DRC11: variants seen among roughly 807,000 people sequenced by gnomAD.
DRC11 encodes the protein dynein regulatory complex subunit 11.
chr2:236,310,257 G>T, the DRC11 span, among the ~76,000 whole-genome samples: 1 of 152,140 alleles, frequency 6.6e-6, no homozygotes, highest in African/African-American at 2.4e-5. This position sits in a 1 kb window ranked among gnomAD's most constrained non-coding sequence, Gnocchi z 5.5. Context: ...CTTCACCAAG[G>T]CCCAAGGTAT....
the DRC11 span, among the ~76,000 whole-genome samples, chr2:236,384,591 T>A: frequency 6.6e-6 from 1 of 152,176 alleles, no homozygotes; most frequent in Non-Finnish European, 1.5e-5. Flanking sequence ...TTGCGAAAAT[T>A]TTCTCCCATT....
At chr2:236,416,724 TATATATATATATATATA>T in the DRC11 span, among the ~76,000 whole-genome samples, 30 of 20,496 alleles carry the variant, frequency 1.5e-3, no homozygotes, top group Admixed American at 5.8e-3. Context: ...TATATATTTA[TATATATATATATATATA>T]TATATATATA....
the DRC11 span, among the ~76,000 whole-genome samples, chr2:236,398,286 G>A: frequency 1.3e-5 from 2 of 152,172 alleles, no homozygotes; most frequent in Non-Finnish European, 2.9e-5. This position sits in a 1 kb window ranked among gnomAD's most constrained non-coding sequence, Gnocchi z 6.2. Flanking sequence ...ATGCAGTGGG[G>A]TGCCCTTGCC....
chr2:236,370,701 G>A, the DRC11 span, among the ~76,000 whole-genome samples: 1 of 151,952 alleles, frequency 6.6e-6, no homozygotes, highest in East Asian at 1.9e-4. This position sits in a 1 kb window ranked among gnomAD's most constrained non-coding sequence, Gnocchi z 5.5. Context: ...TAAGGAACTT[G>A]CTATTTCTTG....
the DRC11 span, among the ~76,000 whole-genome samples, chr2:236,478,724 T>G: frequency 2.6e-5 from 4 of 152,156 alleles, no homozygotes; most frequent in Non-Finnish European, 5.9e-5. This position sits in a 1 kb window ranked among gnomAD's most constrained non-coding sequence, Gnocchi z 5.9. Context: ...TGATGTTGGT[T>G]TCAGATATAT....
chr2:236,495,481 C>A, the DRC11 span, among the ~76,000 whole-genome samples: 1 of 152,204 alleles, frequency 6.6e-6, no homozygotes, highest in East Asian at 1.9e-4. This position sits in a 1 kb window ranked among gnomAD's most constrained non-coding sequence, Gnocchi z 5.6. Context: ...TGAGGTTTCT[C>A]ATTCCCTATG....
At chr2:236,348,277 G>C in the DRC11 span, among the ~76,000 whole-genome samples, 2 of 152,208 alleles carry the variant, frequency 1.3e-5, no homozygotes, top group East Asian at 3.9e-4. This position sits in a 1 kb window ranked among gnomAD's most constrained non-coding sequence, Gnocchi z 7.4. Flanking sequence ...GGGAAATCCA[G>C]GAGAAAATGT....
the DRC11 span, among the ~76,000 whole-genome samples, chr2:236,360,275 G>T: frequency 1.3e-5 from 2 of 152,152 alleles, no homozygotes; most frequent in African/African-American, 2.4e-5. The surrounding 1 kb of genome is among the most constrained non-coding windows in gnomAD (Gnocchi z 5.8). Context: ...CTGCAACCAG[G>T]AAAATTACTA....
chr2:236,365,609 G>A, the DRC11 span, among the ~76,000 whole-genome samples: 2 of 152,216 alleles, frequency 1.3e-5, no homozygotes, highest in Non-Finnish European at 2.9e-5. This position sits in a 1 kb window ranked among gnomAD's most constrained non-coding sequence, Gnocchi z 7.4. Context: ...GGGTTGGGAG[G>A]GGGCAGCAGG....
the DRC11 span, among the ~76,000 whole-genome samples, chr2:236,374,148 C>T: frequency 6.6e-6 from 1 of 152,012 alleles, no homozygotes; most frequent in Non-Finnish European, 1.5e-5. Flanking sequence ...CTTTGGTGTC[C>T]CTAAAGCTTG....
the DRC11 span, among the ~76,000 whole-genome samples, chr2:236,357,693 A>G: frequency 1.1e-5 from 1 of 87,776 alleles, no homozygotes; most frequent in African/African-American, 4.1e-5. Context: ...CAATATGTAA[A>G]TATCTGATAT....
the DRC11 span, among the ~76,000 whole-genome samples, chr2:236,389,409 G>T: frequency 6.6e-6 from 1 of 152,184 alleles, no homozygotes; most frequent in Non-Finnish European, 1.5e-5. Context: ...TATTCGGGTG[G>T]GAGTGACCCA....
the DRC11 span, among the ~76,000 whole-genome samples, chr2:236,498,683 T>C: frequency 5.9e-5 from 9 of 152,266 alleles, no homozygotes; most frequent in African/African-American, 1.9e-4. Context: ...AAGGTGGTGG[T>C]GGCTCTGCTG....
At chr2:236,376,307 C>T in the DRC11 span, among the ~76,000 whole-genome samples, 3 of 152,266 alleles carry the variant, frequency 2.0e-5, no homozygotes, top group Non-Finnish European at 4.4e-5. This position sits in a 1 kb window ranked among gnomAD's most constrained non-coding sequence, Gnocchi z 5.7. Flanking sequence ...GAAGGAATTA[C>T]GGGAGACAGA....
chr2:236,504,199 T>TG, the DRC11 span, among the ~76,000 whole-genome samples: 8,533 of 146,906 alleles, frequency 0.058, 261 homozygotes, highest in Middle Eastern at 0.086. The surrounding 1 kb of genome is among the most constrained non-coding windows in gnomAD (Gnocchi z 5.0). Context: ...TACACGGCGG[T>TG]GGGGGGGGGC....
chr2:236,351,838 T>G, the DRC11 span, among the ~76,000 whole-genome samples: 13,439 of 149,678 alleles, frequency 0.09, 1,849 homozygotes, highest in African/African-American at 0.3. The surrounding 1 kb of genome is among the most constrained non-coding windows in gnomAD (Gnocchi z 7.3). Flanking sequence ...GCAGGAGGGG[T>G]CTCGATGCTA....
the DRC11 span, among the ~76,000 whole-genome samples, chr2:236,491,196 ATATATATATATATATACACACAG>A: frequency 1.3e-4 from 8 of 63,204 alleles, no homozygotes; most frequent in East Asian, 5.7e-4. Flanking sequence ...CAGTATATAT[ATATATATATATATATACACACAG>A]TATATATATA....
chr2:236,339,907 T>C, the DRC11 span, among the ~76,000 whole-genome samples: 1 of 152,258 alleles, frequency 6.6e-6, no homozygotes, highest in Admixed American at 6.5e-5. Context: ...GGATGAATTT[T>C]AGGATCAGTT....
the DRC11 span, among the ~76,000 whole-genome samples, chr2:236,428,097 T>A: frequency 6.6e-6 from 1 of 152,192 alleles, no homozygotes; most frequent in Non-Finnish European, 1.5e-5. Flanking sequence ...TGAAAAGATA[T>A]ACTTCATATG....
Sources: gnomAD v4.1 joint callset for allele counts (sites outside exome capture counted in the v4.1 genomes callset) on GRCh38, gnomAD v4.1.1 for gene constraint, Gnocchi (gnomAD v3.1) non-coding constraint, MANE v1.5 for transcripts, NCBI Gene and HGNC (gene_info 2026-07-23, HGNC 2026-07-21) for gene names.